Variants in CACNA1E observed in about 807,000 individuals in gnomAD.
CACNA1E encodes the protein calcium voltage-gated channel subunit alpha1 E, also known as voltage-dependent R-type calcium channel subunit alpha-1E.
Under a neutral mutation model 259.2 loss-of-function variants are expected in CACNA1E, and 40 were observed. That is an observed-to-expected ratio of 0.15 (90% CI 0.12 to 0.20). The LOEUF (loss-of-function observed/expected upper bound fraction) is 0.20, where lower values mean the gene tolerates loss of function less well. Ranked by LOEUF, CACNA1E falls within the 10% of genes least tolerant of loss-of-function variation. The pLI is 1.00. For missense variants in CACNA1E, 1,874 were observed against 3,040.1 expected (o/e 0.62, Z 9.02); for synonymous variants, 1,104 against 1,138.5 (o/e 0.97, Z 0.61).
chr1:181,753,428 C>T (rs766080573), intron 27 of CACNA1E, among the ~76,000 whole-genome samples: 9 of 152,196 alleles, frequency 5.9e-5, no homozygotes, highest in African/African-American at 9.6e-5. Flanking sequence ...CACTTGAGTG[C>T]GAGGCTCAGC....
chr1:181,453,674 A>G (rs1661291123), intron 2 of CACNA1E, among the ~76,000 whole-genome samples: 2 of 150,850 alleles, frequency 1.3e-5, no homozygotes, highest in African/African-American at 2.4e-5. Flanking sequence ...AGAATCCCGC[A>G]GTGGACAGAG....
chr1:181,401,961 G>A (rs971561537), intron 1 of CACNA1E, among the ~76,000 whole-genome samples: 8 of 152,190 alleles, frequency 5.3e-5, no homozygotes, highest in Non-Finnish European at 8.8e-5. Context: ...CCTGGCCCTG[G>A]GGCACTTGTG....
At chr1:181,742,320 C>A (rs1191507749) in intron 25 of CACNA1E, among the ~76,000 whole-genome samples, 1 of 152,206 alleles carries the variant, frequency 6.6e-6, no homozygotes, top group Non-Finnish European at 1.5e-5. Flanking sequence ...TCCTCATGGT[C>A]AGGGGCTCAG....
chr1:181,530,763 A>C (rs1667722239), intron 3 of CACNA1E, among the ~76,000 whole-genome samples: 1 of 152,196 alleles, frequency 6.6e-6, no homozygotes, highest in Admixed American at 6.5e-5. Flanking sequence ...CACCATATGC[A>C]GTTATCTATA....
rs56658396 is a variant in CACNA1E, at chr1:181,495,393, T to C, written c.266+11383T>C. ...TGCAGTGCCTTGGATTTTTCAAATG[T>C]AAAACAGAGATAGTAATTTGCTTCT... On this transcript the variant is annotated intron_variant, in intron 1 of 47. Transcript: ENST00000367573. Among the ~76,000 whole-genome samples the C allele has an allele frequency of 1.8e-3, 267 of 152,362 alleles. 2 individuals are homozygous for C. Among genetic ancestry groups the C allele is most frequent in the African/African-American group, 6.2e-3 (257 of 41,580 alleles).
At chr1:181,395,207 T>C (rs139417827) in intron 1 of CACNA1E, among the ~76,000 whole-genome samples, 109 of 152,192 alleles carry the variant, frequency 7.2e-4, no homozygotes, top group Non-Finnish European at 2.6e-4. Context: ...ATATATCTTG[T>C]AGGTAGATTT....
intron 27 of CACNA1E, among the ~76,000 whole-genome samples, chr1:181,754,940 A>T (rs148658772): frequency 7.0e-4 from 107 of 152,396 alleles, no homozygotes; most frequent in African/African-American, 2.5e-3. Context: ...TACCCGTACC[A>T]GGATCACACA....
At chr1:181,641,703 G>GGT (rs1451070528) in intron 6 of CACNA1E, among the ~76,000 whole-genome samples, 2 of 81,116 alleles carry the variant, frequency 2.5e-5, no homozygotes, top group East Asian at 5.0e-4. Flanking sequence ...CTAATTTTTT[G>GGT]TTTTTTTTTT....
rs1170594161 is a variant in CACNA1E, at chr1:181,449,259, A to G, written c.435-34485A>G. On this transcript the variant is annotated intron_variant, in intron 2 of 11. Transcript: ENST00000524607. ...TTGTGTCTGAATGAGAAAAATCTCA[A>G]GATACATGCCGTTCCATCCCTGAGA... 6.6e-5 allele frequency among the ~76,000 whole-genome samples: 10 copies of G among 152,226 alleles called. No homozygotes were observed. The East Asian group carries it at 1.7e-3, about 26-fold the overall frequency.
At chr1:181,538,632 A>G (rs889376241) in intron 3 of CACNA1E, among the ~76,000 whole-genome samples, 2 of 152,144 alleles carry the variant, frequency 1.3e-5, no homozygotes, top group South Asian at 4.1e-4. Flanking sequence ...GTATTCTGGG[A>G]GTATGGAAGA....
chr1:181,774,696 G>A lies in CACNA1E; in HGVS notation c.5140-1405G>A, dbSNP rs918002331. Among the ~76,000 whole-genome samples, 6 of 152,358 alleles carry A rather than the reference G, an allele frequency of 3.9e-5. No individual in the cohort carries two copies. The South Asian group carries it at 1.0e-3, about 26-fold the overall frequency. ...GTCTGGCTGTTAGGTATGACCAGCA[G>A]TCTCTGTGTTGTAGAAAGACTCCAA... On this transcript the variant is annotated intron_variant, in intron 37 of 47. Transcript: ENST00000367573.
chr1:181,752,013 C>T (rs1171758585), intron 26 of CACNA1E, 130 bp from the exon 27 acceptor site: 1 of 740,262 alleles, frequency 1.4e-6, no homozygotes, highest in African/African-American at 1.7e-5. Flanking sequence ...GACTCAGTTT[C>T]TGGCTTCTTG....
intron 15 of CACNA1E, among the ~76,000 whole-genome samples, chr1:181,721,218 A>C (rs752021841): frequency 9.2e-5 from 14 of 152,168 alleles, no homozygotes; most frequent in Non-Finnish European, 1.6e-4. Context: ...GTGTTTATTT[A>C]ACAAGGTCTC....
Position 181,801,496 on chromosome 1 carries a change from A to G in CACNA1E, c.*2662A>G, listed in dbSNP as rs888068251. 3 of 152,210 alleles carry G rather than the reference A, an allele frequency of 2.0e-5. No individual in the cohort carries two copies. Among genetic ancestry groups the G allele is most frequent in the Admixed American group, 6.5e-5 (1 of 15,286 alleles). 9.4% of individuals were successfully genotyped at this position (152,210 alleles called of 1,614,324 possible). On this transcript the variant is annotated 3_prime_UTR_variant, in exon 48 of 48. Transcript: ENST00000367573. ...TTCTTTTATTCACCTTCCCTTGACC[A>G]AGAAATTGGGTTTCTTTTCCCTCAG...
At chr1:181,596,448 A>T (rs1470176564) in intron 6 of CACNA1E, among the ~76,000 whole-genome samples, 1 of 152,076 alleles carries the variant, frequency 6.6e-6, no homozygotes, top group Non-Finnish European at 1.5e-5. Context: ...AGCCTAATAG[A>T]GGGCAGGTGT....
chr1:181,608,031 G>A (rs754434059), intron 6 of CACNA1E, among the ~76,000 whole-genome samples: 1 of 152,198 alleles, frequency 6.6e-6, no homozygotes, highest in Non-Finnish European at 1.5e-5. Flanking sequence ...GGTTGTTAGA[G>A]CCTGGTGAGG....
intron 3 of CACNA1E, among the ~76,000 whole-genome samples, chr1:181,516,935 G>T (rs1666633678): frequency 6.7e-6 from 1 of 149,500 alleles, no homozygotes; most frequent in Non-Finnish European, 1.5e-5. Context: ...AGGGGCAGGT[G>T]TGTCTGTGCC....
intron 1 of CACNA1E, among the ~76,000 whole-genome samples, chr1:181,398,912 T>G (rs1483392117): frequency 6.6e-6 from 1 of 152,146 alleles, no homozygotes; most frequent in Non-Finnish European, 1.5e-5. Context: ...GCAATGGAGA[T>G]CCAACTGGAA....
At chr1:181,370,084 G>A (rs7539967) in intron 1 of CACNA1E, among the ~76,000 whole-genome samples, 48,911 of 151,518 alleles carry the variant, frequency 0.32, 8,345 homozygotes, top group African/African-American at 0.44. Flanking sequence ...ATGTCAATCA[G>A]TTTGCAAAAT....
Sources: gnomAD v4.1 joint callset for allele counts (sites outside exome capture counted in the v4.1 genomes callset) on GRCh38, gnomAD v4.1.1 for gene constraint, MANE v1.5 for transcripts, NCBI Gene and HGNC (gene_info 2026-07-23, HGNC 2026-07-21) for gene names.